Variants in SMARCAD1 observed in about 807,000 individuals in gnomAD.
The protein encoded by SMARCAD1 is SWI/SNF-related matrix-associated actin-dependent regulator of chromatin subfamily A containing DEAD/H box 1.
Under a neutral mutation model 127.1 loss-of-function variants are expected in SMARCAD1, and 25 were observed. The ratio of observed to expected loss-of-function variants is 0.20; its 90% CI spans 0.14 to 0.27. The LOEUF (loss-of-function observed/expected upper bound fraction) is 0.27, where lower values mean the gene tolerates loss of function less well. Among genes scored for constraint, SMARCAD1 ranks in the 10% least tolerant of loss-of-function variants. The probability of loss-of-function intolerance (pLI) is 1.00; values close to 1 mark genes in which losing one functional copy is unlikely to be tolerated. For synonymous variants in SMARCAD1, 400 were observed against 396.9 expected (o/e 1.01, Z -0.09); for missense variants, 807 against 1,206.0 (o/e 0.67, Z 4.90).
At chr4:94,281,761 C>T (rs1754057430) in intron 21 of SMARCAD1, among the ~76,000 whole-genome samples, 171 bp downstream of exon 21, 1 of 152,130 alleles carries the variant, frequency 6.6e-6, no homozygotes, top group African/African-American at 2.4e-5. Context: ...TGGCTCACGC[C>T]TGTAATCCCA....
intron 2 of SMARCAD1, among the ~76,000 whole-genome samples, chr4:94,220,817 C>G (rs1744002866): frequency 6.6e-6 from 1 of 152,194 alleles, no homozygotes; most frequent in Admixed American, 6.5e-5. Context: ...CTTAAAGACT[C>G]TTGAAGCAGT....
chr4:94,274,611 T>TG (rs1753007870), intron 12 of SMARCAD1, 127 bp from the exon 13 acceptor site: 1 of 919,064 alleles, frequency 1.1e-6, no homozygotes, highest in Non-Finnish European at 1.8e-6. Context: ...GCCACCTTGC[T>TG]GGGCCAGTAT....
intron 2 of SMARCAD1, among the ~76,000 whole-genome samples, chr4:94,225,375 T>C (rs570178502): frequency 7.2e-5 from 11 of 152,266 alleles, no homozygotes; most frequent in African/African-American, 2.6e-4. Flanking sequence ...CCTTTTCTTA[T>C]AAGGACATCA....
At chr4:94,213,496 G>A (rs2125791362) in intron 2 of SMARCAD1, among the ~76,000 whole-genome samples, 1 of 152,254 alleles carries the variant, frequency 6.6e-6, no homozygotes, top group African/African-American at 2.4e-5. Context: ...GTTGTGAGGG[G>A]CCTTTATATC....
At chr4:94,225,938 C>T (rs1744917695) in intron 2 of SMARCAD1, among the ~76,000 whole-genome samples, 181 bp from the exon 3 acceptor site, 1 of 152,150 alleles carries the variant, frequency 6.6e-6, no homozygotes, top group African/African-American at 2.4e-5. Flanking sequence ...ACCTGTGAAA[C>T]AGAAAATGTA....
chr4:94,233,846 T>C (rs770399512), intron 3 of SMARCAD1, 108 bp from the exon 4 acceptor site: 26 of 1,158,872 alleles, frequency 2.2e-5, no homozygotes, highest in Non-Finnish European at 3.3e-5. Flanking sequence ...CATTTACTAT[T>C]GAAAAGAACT....
At chr4:94,215,889 C>G (rs903700540) in intron 2 of SMARCAD1, among the ~76,000 whole-genome samples, 5 of 151,868 alleles carry the variant, frequency 3.3e-5, no homozygotes, top group African/African-American at 1.2e-4. Context: ...TTTCTTTATG[C>G]TTTTCTGTTT....
At chr4:94,248,080 A>G (rs1748730951) in intron 6 of SMARCAD1, among the ~76,000 whole-genome samples, 1 of 152,142 alleles carries the variant, frequency 6.6e-6, no homozygotes, top group Non-Finnish European at 1.5e-5. Context: ...GCTCCCATTT[A>G]TAAGTGGGAA....
rs768091384 is a variant in SMARCAD1 at position 94,236,997 on chromosome 4, T to C, written c.583T>C (p.Leu195=). ...TATGGATGGAGCAATTGCTGCTGCC[T>C]TGCTGATGTTTGGTGATGCAGGTAT... is the stretch of plus-strand genomic sequence containing the variant. ...STMDGAIAAA[L]LMFGDAGGGP... is the part of the protein sequence containing the mutation. The change falls in exon 5 of 24, where the codon TTG becomes CTG. Residue 195 remains leucine, a synonymous_variant. Transcript: ENST00000354268. The C allele has an allele frequency of 4.3e-6, 7 of 1,613,368 alleles. No individual in the cohort carries two copies. The East Asian group carries it at 1.6e-4, about 36-fold the overall frequency.
chr4:94,259,357 A>G (rs1038763241), intron 9 of SMARCAD1, among the ~76,000 whole-genome samples: 3 of 152,212 alleles, frequency 2.0e-5, no homozygotes, highest in Non-Finnish European at 4.4e-5. Flanking sequence ...ATCTAATCAC[A>G]GTAAATTCAT....
intron 2 of SMARCAD1, among the ~76,000 whole-genome samples, chr4:94,212,723 G>A (rs1279667384): frequency 6.6e-6 from 1 of 152,094 alleles, no homozygotes; most frequent in Non-Finnish European, 1.5e-5. Context: ...CTGACTTCAG[G>A]CTATCTGCCT....
chr4:94,250,909 A>G (rs1749183439), intron 8 of SMARCAD1, 76 bp downstream of exon 8: 2 of 1,159,020 alleles, frequency 1.7e-6, no homozygotes, highest in Admixed American at 3.6e-5. Flanking sequence ...AATGGTATAT[A>G]AGAAAAGCTA....
At chr4:94,249,238 C>T (rs977947279) in intron 6 of SMARCAD1, among the ~76,000 whole-genome samples, 4 of 152,032 alleles carry the variant, frequency 2.6e-5, no homozygotes, top group Admixed American at 6.5e-5. Flanking sequence ...AAAGTAAACT[C>T]TTCTCAGAAT....
chr4:94,257,678 C>T (rs1312096534), intron 9 of SMARCAD1, among the ~76,000 whole-genome samples: 2 of 151,886 alleles, frequency 1.3e-5, no homozygotes, highest in African/African-American at 4.8e-5. Flanking sequence ...GCTTGTTCTC[C>T]GCCCCCACAA....
intron 2 of SMARCAD1, among the ~76,000 whole-genome samples, chr4:94,217,619 T>G (rs917233686): frequency 1.3e-5 from 2 of 152,212 alleles, no homozygotes; most frequent in Non-Finnish European, 2.9e-5. Context: ...GTATTTCTTC[T>G]TTGGGGGAAA....
In SMARCAD1 at chr4:94,264,817, C is replaced by A. The variant is rs1229824748; in HGVS notation, c.1392C>A (p.Asp464Glu). The change falls in exon 10 of 24, where the codon GAC (aspartate) becomes GAA (glutamate). Residue 464 changes from aspartate (D) to glutamate (E), a missense_variant. This residue lies in a region of SMARCAD1 where 257 missense variants were observed against 303.4 expected (regional missense o/e 0.85). Transcript: ENST00000354268. Reference protein sequence around the residue: ...VVIRLMNKCEDISNKLTKQVT... With the variant: ...VVIRLMNKCEEISNKLTKQVT... ...TAAGGCTTATGAACAAATGTGAAGA[C>A]ATTTCAAATAAATTGACCAAACAAG... 1 of 1,612,850 alleles carries A rather than the reference C, an allele frequency of 6.2e-7. No individual in the cohort carries two copies. The highest frequency in any genetic ancestry group is 1.3e-5 in the African/African-American group (1 of 74,854).
At position 94,237,019 on chromosome 4, in the gene SMARCAD1, G is replaced by A; in HGVS notation, c.604+1G>A. On this transcript the variant is annotated splice_donor_variant, in intron 5 of 23. Transcript: ENST00000354268. LOFTEE classifies it high-confidence loss of function. ...GCCTTGCTGATGTTTGGTGATGCAG[G>A]TATGCTTGACTTAATTTTAAGCCAT... 1 of 1,612,644 alleles carries A rather than the reference G, an allele frequency of 6.2e-7. No individual in the cohort carries two copies. The highest frequency in any genetic ancestry group is 8.5e-7 in the Non-Finnish European group (1 of 1,179,152).
intron 11 of SMARCAD1, 105 bp from the exon 12 acceptor site, chr4:94,273,512 T>A (rs534831912): frequency 1.2e-6 from 1 of 828,958 alleles, no homozygotes; most frequent in South Asian, 1.6e-5. Flanking sequence ...TTCTGGGAAA[T>A]CAAAAGTGAA....
intron 6 of SMARCAD1, among the ~76,000 whole-genome samples, chr4:94,242,958 G>C (rs1436113486): frequency 1.3e-5 from 2 of 152,018 alleles, no homozygotes; most frequent in African/African-American, 4.8e-5. Context: ...CTCTTTATCA[G>C]GTCATAAAGA....
Sources: gnomAD v4.1 joint callset for allele counts (sites outside exome capture counted in the v4.1 genomes callset) on GRCh38, gnomAD v4.1.1 for gene constraint, gnomAD v4.1.1 regional missense constraint, MANE v1.5 for transcripts, NCBI Gene and HGNC (gene_info 2026-07-23, HGNC 2026-07-21) for gene names.